The following TAF1B variants were observed in gnomAD, a reference collection of about 807,000 sequenced individuals.
TAF1B encodes TATA box-binding protein-associated factor RNA polymerase I subunit B.
In TAF1B, 61 loss-of-function variants were observed where a neutral mutation model predicts 83.9. That is an observed-to-expected ratio of 0.73 (90% CI 0.59 to 0.90). The LOEUF is 0.90. TAF1B is among the 40% of genes least tolerant of loss of function. The pLI is 0.00. For missense variants in TAF1B, 625 were observed against 677.0 expected, an observed-to-expected ratio of 0.92 and a Z score of 0.85; for synonymous variants, 221 against 224.6, an observed-to-expected ratio of 0.98 and a Z score of 0.14.
At chr2:9,892,275 C>T (rs1345068047) in intron 8 of TAF1B, among the ~76,000 whole-genome samples, 1 of 152,182 alleles carries the variant, frequency 6.6e-6, no homozygotes, top group Non-Finnish European at 1.5e-5. Context: ...GTGTACTGGG[C>T]TGTAACATCT....
In TAF1B at chr2:9,851,513, A is replaced by G. The variant is rs1249137190; in HGVS notation, c.206-28A>G. ...TAAAGTTAGTAAATTAGGAATGTAT[A>G]TGCTAAAACATGCTATTTGTCATTT... On this transcript the variant is annotated intron_variant, in intron 3 of 14. Coordinates refer to ENST00000263663, the MANE Select transcript of TAF1B (RefSeq NM_005680.3). 2.6e-6 allele frequency: 4 copies of G among 1,538,318 alleles called. No individual in the cohort carries two copies. In the South Asian group the frequency reaches 4.8e-5, roughly 19 times the overall value.
In TAF1B at chr2:9,904,978, G is replaced by A. The variant is rs780992456; in HGVS notation, c.927G>A (p.Met309Ile). The A allele has an allele frequency of 6.2e-7, 1 of 1,612,592 alleles. No individual in the cohort carries two copies. Among genetic ancestry groups the A allele is most frequent in the South Asian group, 1.1e-5 (1 of 91,022 alleles). Residue 309 changes from methionine (M) to isoleucine (I), a missense_variant, in exon 9 of 15, where the codon ATG becomes ATA. Transcript: ENST00000263663. Reference protein sequence around the residue: ...DCYLHPNILCMKYLMEVNLPD... With the variant: ...DCYLHPNILCIKYLMEVNLPD... ...ATCTTCATCCCAACATACTGTGTAT[G>A]AAATACTTGATGGAAGTCAACCTCC... is the stretch of plus-strand genomic sequence containing the variant.
intron 14 of TAF1B, among the ~76,000 whole-genome samples, chr2:9,930,438 G>A (rs1259429578): frequency 6.6e-6 from 1 of 152,154 alleles, no homozygotes; most frequent in East Asian, 1.9e-4. Flanking sequence ...TAGTCATTCA[G>A]GAACAGGTTG....
At chr2:9,919,525 C>A in intron 13 of TAF1B, 73 bp from the exon 14 acceptor site, 1 of 1,321,950 alleles carries the variant, frequency 7.6e-7, no homozygotes, top group African/African-American at 1.4e-5. Flanking sequence ...ACATTCCTAT[C>A]AAGTAAATTC....
chr2:9,903,519 C>G (rs1443700564), intron 8 of TAF1B, among the ~76,000 whole-genome samples: 1 of 152,128 alleles, frequency 6.6e-6, no homozygotes, highest in Non-Finnish European at 1.5e-5. Context: ...AAAGTAAGTG[C>G]TAGACAGAAT....
chr2:9,852,284 A>AT (rs1449422441), intron 4 of TAF1B, among the ~76,000 whole-genome samples: 1 of 152,168 alleles, frequency 6.6e-6, no homozygotes, highest in Non-Finnish European at 1.5e-5. Context: ...GCAACACAGT[A>AT]TTTCTGCAAT....
intron 5 of TAF1B, among the ~76,000 whole-genome samples, chr2:9,863,798 C>G (rs287999): frequency 0.22 from 33,021 of 152,164 alleles, 4,189 homozygotes; most frequent in Non-Finnish European, 0.29. Flanking sequence ...GAAACTCACT[C>G]AAAACTGCTC....
chr2:9,890,088 C>T (rs1400530551), intron 8 of TAF1B, among the ~76,000 whole-genome samples: 1 of 152,196 alleles, frequency 6.6e-6, no homozygotes, highest in Non-Finnish European at 1.5e-5. Flanking sequence ...GCCACCTCAG[C>T]TTCCAGAAAC....
chr2:9,909,600 A>G (rs959689995), intron 9 of TAF1B, among the ~76,000 whole-genome samples: 3 of 152,240 alleles, frequency 2.0e-5, no homozygotes, highest in African/African-American at 7.2e-5. Flanking sequence ...TGATTGGGCC[A>G]CAGGAGAGTA....
At chr2:9,891,692 T>C (rs1479513240) in intron 8 of TAF1B, among the ~76,000 whole-genome samples, 5 of 152,108 alleles carry the variant, frequency 3.3e-5, no homozygotes, top group African/African-American at 9.7e-5. Context: ...TAACCCCATA[T>C]AGGCCTGGGC....
chr2:9,906,529 C>G (rs1053597783), intron 9 of TAF1B, among the ~76,000 whole-genome samples: 2 of 151,926 alleles, frequency 1.3e-5, no homozygotes, highest in African/African-American at 4.8e-5. Context: ...AAACAAATAT[C>G]CAAAAGAAAG....
intron 5 of TAF1B, among the ~76,000 whole-genome samples, chr2:9,856,234 C>T (rs146385283): frequency 0.012 from 1,743 of 150,844 alleles, 14 homozygotes; most frequent in Non-Finnish European, 0.016. Flanking sequence ...GTAGTCAAGT[C>T]GTACGGGATA....
chr2:9,910,863 C>T lies in TAF1B; in HGVS notation c.1083C>T (p.Ile361=). ...AGTACGATGTACAAGCTGTAGCTATCATTGTGGTGGTATTGAAACTGCTCT... is the reference window on the plus strand; with the variant it reads ...AGTACGATGTACAAGCTGTAGCTATTATTGTGGTGGTATTGAAACTGCTCT... ...TVKYDVQAVA[I]IVVVLKLLFL... Residue 361 remains isoleucine (I), a synonymous_variant, in exon 10 of 15, where the codon ATC becomes ATT. Coordinates refer to ENST00000263663, the MANE Select transcript of TAF1B (RefSeq NM_005680.3). The T allele has an allele frequency of 6.2e-7, 1 of 1,613,100 alleles. No individual in the cohort carries two copies.
chr2:9,849,145 T>C (rs1663300972), intron 2 of TAF1B, among the ~76,000 whole-genome samples: 1 of 152,226 alleles, frequency 6.6e-6, no homozygotes, highest in Non-Finnish European at 1.5e-5. Context: ...ACAAACACTT[T>C]ATGGTTACTG....
At chr2:9,850,521 G>A (rs747132780) in intron 3 of TAF1B, among the ~76,000 whole-genome samples, 1 of 152,196 alleles carries the variant, frequency 6.6e-6, no homozygotes, top group South Asian at 2.1e-4. Context: ...GAGACAATTC[G>A]AGACCCTTTC....
At chr2:9,929,115 A>G (rs12991461) in intron 14 of TAF1B, among the ~76,000 whole-genome samples, 46,516 of 152,018 alleles carry the variant, frequency 0.31, 8,371 homozygotes, top group African/African-American at 0.51. Context: ...CTATTGAGAT[A>G]ATCAGGTGGT....
chr2:9,888,790 G>GGTTTTTTTTTTTGTTTTT (rs753209727), intron 8 of TAF1B, among the ~76,000 whole-genome samples: 1 of 81,668 alleles, frequency 1.2e-5, no homozygotes, highest in Non-Finnish European at 2.1e-5. Context: ...CTTCTGCTTG[G>GGTTTTTTTTTTTGTTTTT]TTTTTTTTTT....
At chr2:9,929,036 C>T (rs1349025405) in intron 14 of TAF1B, among the ~76,000 whole-genome samples, 1 of 152,180 alleles carries the variant, frequency 6.6e-6, no homozygotes, top group East Asian at 1.9e-4. Flanking sequence ...TATGTTCCAT[C>T]AGTACCTAGT....
At chr2:9,879,859 G>C (rs930064448) in intron 7 of TAF1B, among the ~76,000 whole-genome samples, 2 of 152,196 alleles carry the variant, frequency 1.3e-5, no homozygotes, top group African/African-American at 4.8e-5. Context: ...TTGCAAAGCT[G>C]TGCAGTCTCT....
Sources: allele counts gnomAD v4.1 joint callset (sites outside exome capture counted in the v4.1 genomes callset), GRCh38; gene constraint gnomAD v4.1.1; transcripts MANE v1.5; gene names NCBI Gene and HGNC (gene_info 2026-07-23, HGNC 2026-07-21).